Variants in MGAM observed in about 807,000 individuals in gnomAD.
The protein encoded by MGAM is alpha-1,4-glucosidase.
A neutral mutation model predicts 358.8 loss-of-function variants in MGAM; 253 were observed. That is an observed-to-expected ratio of 0.71 (90% CI 0.64 to 0.78). MGAM has a LOEUF of 0.78. MGAM is among the 30% of genes least tolerant of loss of function. The pLI, the probability that MGAM is intolerant of heterozygous loss-of-function variation, is 0.00. For missense variants in MGAM, 3,080 were observed against 3,432.6 expected, an observed-to-expected ratio of 0.90 and a Z score of 2.57; for synonymous variants, 1,105 against 1,227.1, an observed-to-expected ratio of 0.90 and a Z score of 2.08.
intron 1 of MGAM, among the ~76,000 whole-genome samples, chr7:142,001,244 G>A (rs1171866355): frequency 1.3e-5 from 2 of 152,176 alleles, no homozygotes; most frequent in African/African-American, 2.4e-5. Context: ...TGTAGAGAAA[G>A]GTTGCTTTCA....
At position 142,021,602 on chromosome 7, in the gene MGAM, A is replaced by T. The variant is rs369486229; in HGVS notation, c.575A>T (p.Asn192Ile). 4 of 1,613,896 alleles carry T rather than the reference A, an allele frequency of 2.5e-6. No individual in the cohort carries two copies. Among genetic ancestry groups the T allele is most frequent in the Non-Finnish European group, 2.5e-6 (3 of 1,179,810 alleles). The part of the protein sequence containing the change: ...RFHFKLTDQT[N>I]NRFEVPHEHV... The stretch of plus-strand genomic sequence containing the variant: ...TCTGCACAGTTGACTGACCAAACCA[A>T]TAACAGGTTTGAAGTGCCCCACGAA... The change falls in exon 6 of 71, where the codon AAT (asparagine) becomes ATT (isoleucine). Residue 192 changes from asparagine to isoleucine, a missense_variant. Transcript: ENST00000475668.
At position 142,056,870 on chromosome 7, in the gene MGAM, C is replaced by A. The variant is rs1811600054; in HGVS notation, c.3621C>A (p.Thr1207=). The change falls in exon 30 of 71, where the codon ACC becomes ACA. Residue 1207 remains threonine, a synonymous_variant. Transcript: ENST00000475668. ...CCCTGCCTGCCTTGACATACCGCAC[C>A]ACAGGGGGAGTTCTGGACTTTTATG... ...FQPLPALTYR[T]TGGVLDFYVF... 1 of 1,613,704 alleles carries A rather than the reference C, an allele frequency of 6.2e-7. No homozygotes were observed. Among genetic ancestry groups the A allele is most frequent in the African/African-American group, 1.3e-5 (1 of 74,884 alleles).
intron 34 of MGAM, 89 bp downstream of exon 34, chr7:142,060,462 A>G: frequency 1.3e-6 from 2 of 1,484,364 alleles, no homozygotes; most frequent in Non-Finnish European, 1.9e-6. Flanking sequence ...TGTACCGTGG[A>G]CATGGGCTTG....
At chr7:142,088,285 G>C (rs1814936776) in intron 57 of MGAM, among the ~76,000 whole-genome samples, 1 of 146,256 alleles carries the variant, frequency 6.8e-6, no homozygotes, top group Non-Finnish European at 1.5e-5. Context: ...TTTACTGTCA[G>C]TAGATGCAGT....
At chr7:142,036,717 A>G in intron 17 of MGAM, 106 bp from the exon 18 acceptor site, 1 of 1,287,548 alleles carries the variant, frequency 7.8e-7, no homozygotes, top group Non-Finnish European at 1.1e-6. Flanking sequence ...GGCCTCTGTC[A>G]TTCAGGAGGG....
In MGAM at chr7:142,022,355, G is replaced by A. The variant is rs146615509; in HGVS notation, c.798G>A (p.Leu266=). ...TRLPSTNVYG[L]GEHVHQQYRH... ...TGCCTAGCACTAACGTGTATGGCCT[G>A]GGAGAGCATGTGCACCAGCAGTATC... Residue 266 remains leucine, a synonymous_variant, in exon 7 of 71, where the codon CTG becomes CTA. Coordinates refer to ENST00000475668, the MANE Select transcript of MGAM (RefSeq NM_001365693.1). The A allele has an allele frequency of 1.2e-4, 198 of 1,613,682 alleles. 2 individuals carry two copies. The East Asian group carries it at 2.1e-3, about 17-fold the overall frequency.
In MGAM at chr7:142,085,701, T is replaced by G. The variant is rs765727709; in HGVS notation, c.6508-132T>G. On this transcript the variant is annotated intron_variant, in intron 54 of 70. Coordinates refer to ENST00000475668, the MANE Select transcript of MGAM (RefSeq NM_001365693.1). ...TTTCCCAGCACCTGTACCTAACAAA[T>G]GGCAGAGCTCGGACTTGAAAGCATC... 5.2e-5 allele frequency: 64 copies of G among 1,234,060 alleles called. 7 individuals are homozygous for G. The highest frequency in any genetic ancestry group is 3.4e-4 in the Admixed American group (12 of 35,636). The allele number at this position is 1,234,060 out of a possible 1,614,324, so 76.4% of individuals were successfully genotyped here.
At position 142,074,392 on chromosome 7, in the gene MGAM, G is replaced by A. The variant is rs183550334; in HGVS notation, c.5275+219G>A. ...TGTATCTCTGACAGTTCTCCCATTC[G>A]CCAGTGATACCTATAATGGCTCTTA... On this transcript the variant is annotated intron_variant, in intron 45 of 70. Transcript: ENST00000475668. 3.6e-4 allele frequency among the ~76,000 whole-genome samples: 52 copies of A among 142,660 alleles called. 4 individuals carry two copies. The highest frequency in any genetic ancestry group is 6.3e-4 in the Non-Finnish European group (40 of 63,746). The allele number at this position is 142,660 out of a possible 152,430, so 93.6% of individuals were successfully genotyped here.
At chr7:142,053,069 A>G in intron 26 of MGAM, 85 bp downstream of exon 26, 1 of 1,428,086 alleles carries the variant, frequency 7.0e-7, no homozygotes, top group East Asian at 2.4e-5. Context: ...GAACCCTAAA[A>G]TAAGTTAATC....
chr7:142,103,793 T>A (rs970932003), intron 70 of MGAM, among the ~76,000 whole-genome samples: 2 of 152,170 alleles, frequency 1.3e-5, no homozygotes, highest in African/African-American at 4.8e-5. Flanking sequence ...GCTTCATTAT[T>A]TCATGTGCCA....
chr7:142,055,447 T>C, intron 27 of MGAM, 111 bp from the exon 28 acceptor site: 2 of 1,350,128 alleles, frequency 1.5e-6, no homozygotes, highest in Non-Finnish European at 2.1e-6. Context: ...GTTTGGGATA[T>C]GAACAGCTTC....
At position 142,043,633 on chromosome 7, in the gene MGAM, T is replaced by C. The variant is rs1809409663; in HGVS notation, c.2498+2787T>C. Among the ~76,000 whole-genome samples the C allele has an allele frequency of 2.2e-5, 3 of 134,046 alleles. 1 individual carries two copies. The highest frequency in any genetic ancestry group is 3.1e-5 in the Non-Finnish European group (2 of 64,772). The allele number at this position is 134,046 out of a possible 152,430, so 87.9% of individuals were successfully genotyped here. A position where few individuals can be genotyped will look rare whatever the true frequency, so the allele number is the denominator to read the frequency against. ...TCTAATATATAATACATATATTATA[T>C]ATACATATACTATCTAATATATAAT... On this transcript the variant is annotated intron_variant, in intron 21 of 70. Transcript: ENST00000475668.
chr7:142,058,593 T>C (rs1173450245), intron 31 of MGAM, among the ~76,000 whole-genome samples: 1 of 152,234 alleles, frequency 6.6e-6, no homozygotes, highest in Non-Finnish European at 1.5e-5. Flanking sequence ...CGTGCTTCCT[T>C]CCATTTCTTT....
intron 3 of MGAM, among the ~76,000 whole-genome samples, chr7:142,016,536 C>T (rs1233016174): frequency 1.3e-5 from 2 of 152,056 alleles, no homozygotes; most frequent in Admixed American, 6.6e-5. Flanking sequence ...GACTCTATGT[C>T]TCTCTAATAA....
At chr7:142,044,481 A>G (rs1347914180) in intron 21 of MGAM, among the ~76,000 whole-genome samples, 1 of 136,094 alleles carries the variant, frequency 7.3e-6, no homozygotes, top group African/African-American at 2.6e-5. Context: ...TATATAATGT[A>G]TATTATATAC....
chr7:142,027,520 A>G, intron 9 of MGAM, 90 bp from the exon 10 acceptor site: 1 of 1,366,042 alleles, frequency 7.3e-7, no homozygotes, highest in South Asian at 1.3e-5. Context: ...TGGGAAATGG[A>G]CTATGTTTGG....
At chr7:142,068,521 C>T in intron 42 of MGAM, 126 bp from the exon 43 acceptor site, 1 of 761,146 alleles carries the variant, frequency 1.3e-6, no homozygotes, top group Non-Finnish European at 2.2e-6. Flanking sequence ...CAGTTGTTAA[C>T]CTCTTGGGAC....
At chr7:142,069,876 G>A (rs1434408227) in intron 43 of MGAM, among the ~76,000 whole-genome samples, 4 of 145,578 alleles carry the variant, frequency 2.7e-5, no homozygotes, top group African/African-American at 7.3e-5. Context: ...GACAAAAGAA[G>A]TCATGGAGCA....
At position 142,038,564 on chromosome 7, in the gene MGAM, C is replaced by A; in HGVS notation, c.2265C>A (p.His755Gln). 2 of 1,611,488 alleles carry A rather than the reference C, an allele frequency of 1.2e-6. No individual in the cohort carries two copies. Among genetic ancestry groups the A allele is most frequent in the Non-Finnish European group, 1.7e-6 (2 of 1,178,806 alleles). Residue 755 changes from histidine to glutamine, a missense_variant, in exon 19 of 71, where the codon CAC (histidine) becomes CAA (glutamine). By Grantham distance (24) the His-to-Gln change is conservative. Transcript: ENST00000475668. The part of the protein sequence containing the change: ...FYEDNSTWDV[H>Q]QQFLWGPGLL... Reference sequence around the variant, plus strand: ...AGGACAACAGCACTTGGGATGTGCACCAACAGTTCTTATGGGGGCCCGGCC... The same window carrying A: ...AGGACAACAGCACTTGGGATGTGCAACAACAGTTCTTATGGGGGCCCGGCC...
Sources: gnomAD v4.1 joint callset for allele counts (sites outside exome capture counted in the v4.1 genomes callset) on GRCh38, gnomAD v4.1.1 for gene constraint, MANE v1.5 for transcripts, NCBI Gene and HGNC (gene_info 2026-07-23, HGNC 2026-07-21) for gene names.